Variants in ANK2 observed in about 807,000 individuals in gnomAD.
The protein encoded by ANK2 is ankyrin 2.
In ANK2, 83 loss-of-function variants were observed where a neutral mutation model predicts 360.5. The ratio of observed to expected loss-of-function variants is 0.23; its 90% CI spans 0.19 to 0.28. The LOEUF is 0.28. ANK2 is among the 10% of genes least tolerant of loss of function. ANK2 has a pLI of 1.00. For synonymous variants in ANK2, 1,740 were observed against 1,759.5 expected (o/e 0.99, Z 0.28); for missense variants, 4,201 against 4,795.7 (o/e 0.88, Z 3.66).
the ANK2 span, among the ~76,000 whole-genome samples, chr4:112,812,359 C>G: frequency 6.6e-6 from 1 of 152,162 alleles, no homozygotes; most frequent in Non-Finnish European, 1.5e-5. Context: ...CATGGTCTTC[C>G]TATAATGTGA....
At chr4:112,862,850 G>A (rs546379212) in intron 1 of ANK2, among the ~76,000 whole-genome samples, 23 of 152,010 alleles carry the variant, frequency 1.5e-4, no homozygotes, top group Non-Finnish European at 1.2e-4. Flanking sequence ...AGGAGTTTGA[G>A]TCCAGCCTGG....
At chr4:112,876,100 CA>C (rs2075020986) in intron 1 of ANK2, among the ~76,000 whole-genome samples, 1 of 151,694 alleles carries the variant, frequency 6.6e-6, no homozygotes, top group Non-Finnish European at 1.5e-5. Flanking sequence ...GTCTTACCAA[CA>C]ATTTAATGTG....
intron 1 of ANK2, among the ~76,000 whole-genome samples, chr4:113,114,844 A>G (rs932075887): frequency 1.3e-5 from 2 of 152,170 alleles, no homozygotes; most frequent in African/African-American, 4.8e-5. Flanking sequence ...GGGCAGTGGA[A>G]AGGTCTTGTG....
intron 2 of ANK2, among the ~76,000 whole-genome samples, chr4:113,187,468 G>A (rs1284945284): frequency 6.6e-6 from 1 of 152,056 alleles, no homozygotes; most frequent in East Asian, 1.9e-4. Flanking sequence ...TGAAATTTTT[G>A]CATCTTAAAA....
the ANK2 span, chr4:112,788,018 T>G: frequency 1.2e-6 from 1 of 841,602 alleles, no homozygotes; most frequent in African/African-American, 1.7e-5. Context: ...CCCAATGTAT[T>G]TCTTTGAAGG....
chr4:112,789,222 A>G, the ANK2 span, among the ~76,000 whole-genome samples: 2 of 152,178 alleles, frequency 1.3e-5, no homozygotes, highest in Non-Finnish European at 2.9e-5. Flanking sequence ...TGAGGGAAAA[A>G]TCCCCAAGTC....
chr4:113,268,940 T>G (rs889270719), intron 14 of ANK2, among the ~76,000 whole-genome samples: 1 of 152,216 alleles, frequency 6.6e-6, no homozygotes, highest in Non-Finnish European at 1.5e-5. Context: ...ATTGGTCTAT[T>G]CAGGGATTCG....
intron 1 of ANK2, among the ~76,000 whole-genome samples, chr4:113,097,877 C>CATATATATATATATAT (rs1491243355): frequency 7.6e-6 from 1 of 131,774 alleles, no homozygotes; most frequent in African/African-American, 2.9e-5. Flanking sequence ...TATATATATG[C>CATATATATATATATAT]ACACACACAC....
intron 4 of ANK2, among the ~76,000 whole-genome samples, chr4:113,231,570 A>T (rs2099306779): frequency 2.6e-5 from 4 of 152,098 alleles, no homozygotes. Context: ...ATGAACTTAT[A>T]CAGATACTGA....
chr4:113,232,372 T>C, intron 5 of ANK2, 113 bp downstream of exon 5: 7 of 837,864 alleles, frequency 8.4e-6, no homozygotes, highest in South Asian at 7.1e-5. Flanking sequence ...GGAATGTTCA[T>C]GTTACTATTA....
At chr4:112,828,274 G>A (rs554190539) in intron 1 of ANK2, among the ~76,000 whole-genome samples, 64 of 124,082 alleles carry the variant, frequency 5.2e-4, no homozygotes, top group Admixed American at 7.6e-4. Flanking sequence ...TTGCTCTGTC[G>A]CCCAGGCTGG....
chr4:113,000,362 C>A (rs891704670), intron 2 of ANK2, among the ~76,000 whole-genome samples: 1 of 152,166 alleles, frequency 6.6e-6, no homozygotes, highest in Admixed American at 6.5e-5. Flanking sequence ...AAGTTTATGT[C>A]CTGCTTTTAA....
intron 2 of ANK2, among the ~76,000 whole-genome samples, chr4:113,179,662 T>C (rs1284911570): frequency 6.6e-6 from 1 of 152,202 alleles, no homozygotes; most frequent in African/African-American, 2.4e-5. Flanking sequence ...AAAATAAATC[T>C]TAGCGTTCAA....
At chr4:112,953,329 T>A (rs2095146126) in intron 2 of ANK2, among the ~76,000 whole-genome samples, 1 of 152,264 alleles carries the variant, frequency 6.6e-6, no homozygotes, top group African/African-American at 2.4e-5. Context: ...TAAAAATAAT[T>A]ATTCATGTTT....
At position 113,335,926 on chromosome 4, in the gene ANK2, G is replaced by A. The variant is rs1563854784; in HGVS notation, c.3460G>A (p.Val1154Met). Residue 1154 changes from valine (V) to methionine (M), a missense_variant, in exon 30 of 46, where the codon GTG (valine) becomes ATG (methionine). Coordinates refer to ENST00000357077, the MANE Select transcript of ANK2 (RefSeq NM_001148.6). ...AGACTTCCCACAGTACTTTGCAGTGGTGTCTCGTATCAAACAGGACAGCAA... is the reference window on the plus strand; with the variant it reads ...AGACTTCCCACAGTACTTTGCAGTGATGTCTCGTATCAAACAGGACAGCAA... Reference protein sequence around the residue: ...TRDFPQYFAVVSRIKQDSNLI... With the variant: ...TRDFPQYFAVMSRIKQDSNLI... 1 of 1,614,172 alleles carries A rather than the reference G, an allele frequency of 6.2e-7. No homozygotes were observed. The highest frequency in any genetic ancestry group is 2.2e-5 in the East Asian group (1 of 44,872).
At chr4:112,844,730 A>C (rs1218248457) in intron 1 of ANK2, among the ~76,000 whole-genome samples, 1 of 152,218 alleles carries the variant, frequency 6.6e-6, no homozygotes, top group East Asian at 1.9e-4. Context: ...TTGTCATAAA[A>C]TTTTATGCAT....
chr4:112,951,250 T>G (rs2094966631), intron 2 of ANK2, among the ~76,000 whole-genome samples: 1 of 152,168 alleles, frequency 6.6e-6, no homozygotes, highest in African/African-American at 2.4e-5. Flanking sequence ...TGTTCATTGA[T>G]AATCAGGAAA....
chr4:112,823,986 T>C (rs2057794915), intron 1 of ANK2, among the ~76,000 whole-genome samples: 1 of 152,254 alleles, frequency 6.6e-6, no homozygotes, highest in African/African-American at 2.4e-5. Flanking sequence ...TTTAGGCTTC[T>C]ATACTTCGAT....
At chr4:113,177,777 T>C (rs544685229) in intron 2 of ANK2, among the ~76,000 whole-genome samples, 1 of 152,316 alleles carries the variant, frequency 6.6e-6, no homozygotes, top group South Asian at 2.1e-4. Flanking sequence ...CAACATGATC[T>C]CATGAAGCCC....
Sources: allele counts gnomAD v4.1 joint callset (sites outside exome capture counted in the v4.1 genomes callset), GRCh38; gene constraint gnomAD v4.1.1; transcripts MANE v1.5; gene names NCBI Gene and HGNC (gene_info 2026-07-23, HGNC 2026-07-21).